Variants in SNTG1 observed in about 807,000 individuals in gnomAD.
The protein encoded by SNTG1 is syntrophin gamma 1.
SNTG1 carries 39 observed loss-of-function variants against 74.7 expected under a neutral mutation model. The ratio of observed to expected loss-of-function variants is 0.52; its 90% CI spans 0.40 to 0.68. The LOEUF (loss-of-function observed/expected upper bound fraction) is 0.68, where lower values mean the gene tolerates loss of function less well. Ranked by LOEUF, SNTG1 falls within the 30% of genes least tolerant of loss-of-function variation. The pLI is 0.00. For synonymous variants in SNTG1, 254 were observed against 217.1 expected (o/e 1.17, Z -1.49); for missense variants, 685 against 609.5 (o/e 1.12, Z -1.30).
chr8:50,345,656 T>G (rs1464595467), intron 2 of SNTG1, among the ~76,000 whole-genome samples: 3 of 152,258 alleles, frequency 2.0e-5, no homozygotes, highest in Non-Finnish European at 4.4e-5. Flanking sequence ...CTAATTGATT[T>G]ATCAAGATCA....
intron 1 of SNTG1, among the ~76,000 whole-genome samples, chr8:49,923,632 C>A (rs1013209613): frequency 6.6e-6 from 1 of 151,862 alleles, no homozygotes; most frequent in African/African-American, 2.4e-5. Context: ...TTTTGAGCAT[C>A]AATCTCAGAC....
At chr8:50,752,509 A>C (rs985329009) in intron 18 of SNTG1, among the ~76,000 whole-genome samples, 1 of 151,864 alleles carries the variant, frequency 6.6e-6, no homozygotes, top group Non-Finnish European at 1.5e-5. Context: ...ATTTTTTCAC[A>C]TATTCAAAAT....
chr8:50,792,173 A>G (rs2131874189), intron 18 of SNTG1, among the ~76,000 whole-genome samples: 1 of 151,680 alleles, frequency 6.6e-6, no homozygotes, highest in East Asian at 1.9e-4. Flanking sequence ...AAAGTGAACC[A>G]TTTGGCTCCT....
intron 1 of SNTG1, among the ~76,000 whole-genome samples, chr8:49,959,404 C>T (rs147113121): frequency 3.0e-4 from 46 of 152,314 alleles, no homozygotes; most frequent in Non-Finnish European, 6.0e-4. Flanking sequence ...TGGCCCTTGA[C>T]TTGTTTTCCA....
At chr8:50,602,641 T>G (rs2094783246) in intron 13 of SNTG1, among the ~76,000 whole-genome samples, 1 of 152,198 alleles carries the variant, frequency 6.6e-6, no homozygotes, top group Non-Finnish European at 1.5e-5. Flanking sequence ...TTAACATCAT[T>G]TTCTTTCATG....
chr8:50,603,514 T>G (rs574387771), intron 13 of SNTG1, among the ~76,000 whole-genome samples: 1 of 152,322 alleles, frequency 6.6e-6, no homozygotes, highest in South Asian at 2.1e-4. Flanking sequence ...TTGTCCTTAG[T>G]GTCTTATTTA....
At chr8:50,060,068 A>C (rs1250832981) in intron 1 of SNTG1, among the ~76,000 whole-genome samples, 1 of 152,024 alleles carries the variant, frequency 6.6e-6, no homozygotes, top group African/African-American at 2.4e-5. Flanking sequence ...CTTACAGTAA[A>C]GGTGGTTTTG....
chr8:49,998,454 G>T (rs931441811), intron 1 of SNTG1, among the ~76,000 whole-genome samples: 1 of 151,942 alleles, frequency 6.6e-6, no homozygotes, highest in African/African-American at 2.4e-5. Flanking sequence ...TTTTGACTCT[G>T]TAAGAACAAA....
At chr8:50,708,355 G>T (rs2095451136) in intron 16 of SNTG1, 1 of 153,604 alleles carries the variant, frequency 6.5e-6, no homozygotes, top group African/African-American at 2.4e-5. Context: ...CAATATCGAA[G>T]AACAGAGTAA....
At chr8:50,743,362 C>G (rs972814025) in intron 17 of SNTG1, among the ~76,000 whole-genome samples, 25 of 151,752 alleles carry the variant, frequency 1.6e-4, no homozygotes, top group Admixed American at 1.5e-3. Flanking sequence ...GTAAATCAAT[C>G]AATGTAATAC....
At chr8:50,254,864 A>AAAAAAGAAAG (rs1189243675) in intron 2 of SNTG1, among the ~76,000 whole-genome samples, 12 of 147,344 alleles carry the variant, frequency 8.1e-5, no homozygotes, top group African/African-American at 3.0e-4. Context: ...AAAAAAAAAA[A>AAAAAAGAAAG]AAAGAAAGAA....
At chr8:50,684,958 A>G (rs1160444800) in intron 15 of SNTG1, among the ~76,000 whole-genome samples, 2 of 138,568 alleles carry the variant, frequency 1.4e-5, no homozygotes, top group Non-Finnish European at 3.0e-5. Flanking sequence ...TCATTGTTCA[A>G]TTTTCCATAT....
chr8:50,741,535 A>G (rs1210044063), intron 17 of SNTG1, among the ~76,000 whole-genome samples: 1 of 152,114 alleles, frequency 6.6e-6, no homozygotes, highest in African/African-American at 2.4e-5. Context: ...GTATTTACTC[A>G]AAGTATCTAA....
chr8:50,334,750 C>T lies in SNTG1; in HGVS notation c.-27-59462C>T, dbSNP rs28376366. Among the ~76,000 whole-genome samples the T allele has an allele frequency of 6.0e-3, 916 of 152,196 alleles. 7 individuals are homozygous for T. Among genetic ancestry groups the T allele is most frequent in the African/African-American group, 0.021 (858 of 41,542 alleles). On this transcript the variant is annotated intron_variant, in intron 2 of 18. Coordinates refer to ENST00000642720, the MANE Select transcript of SNTG1 (RefSeq NM_018967.5). ...AAATAATAAAGAAAAATGAGCTTTC[C>T]TTATAAGATTGTGTGGATTAAATGG...
At chr8:49,967,815 AAAT>A (rs1239032103) in intron 1 of SNTG1, among the ~76,000 whole-genome samples, 5 of 152,246 alleles carry the variant, frequency 3.3e-5, no homozygotes, top group Non-Finnish European at 5.9e-5. Context: ...GGTCTTAAGC[AAAT>A]AATAAGATGC....
intron 9 of SNTG1, among the ~76,000 whole-genome samples, chr8:50,527,815 A>G (rs1487564925): frequency 1.3e-5 from 2 of 149,560 alleles, no homozygotes; most frequent in Admixed American, 6.6e-5. Context: ...CAATTTGGAG[A>G]TTACCTTTTC....
chr8:50,702,016 A>G (rs1322820362), intron 15 of SNTG1, among the ~76,000 whole-genome samples: 1 of 151,924 alleles, frequency 6.6e-6, no homozygotes, highest in East Asian at 2.0e-4. Context: ...ATGTCCGGCT[A>G]ATTTTTGTAT....
intron 1 of SNTG1, among the ~76,000 whole-genome samples, chr8:49,956,352 T>C (rs1312148641): frequency 6.6e-6 from 1 of 152,184 alleles, no homozygotes; most frequent in East Asian, 1.9e-4. Flanking sequence ...ATTGACAAAA[T>C]CTAATCTTTT....
At chr8:50,314,729 C>T (rs116748327) in intron 2 of SNTG1, among the ~76,000 whole-genome samples, 3 of 149,872 alleles carry the variant, frequency 2.0e-5, no homozygotes, top group Non-Finnish European at 4.4e-5. Flanking sequence ...TACCCCATGT[C>T]GAAATGTAAA....
Sources: gnomAD v4.1 joint callset for allele counts (sites outside exome capture counted in the v4.1 genomes callset) on GRCh38, gnomAD v4.1.1 for gene constraint, MANE v1.5 for transcripts, NCBI Gene and HGNC (gene_info 2026-07-23, HGNC 2026-07-21) for gene names.